The following ATG7 variants were observed in gnomAD, a reference collection of about 807,000 sequenced individuals.
The protein encoded by ATG7 is ubiquitin-like modifier-activating enzyme ATG7.
Under a neutral mutation model 82.4 loss-of-function variants are expected in ATG7, and 70 were observed. That is an observed-to-expected ratio of 0.85 (90% CI 0.70 to 1.04). The LOEUF (loss-of-function observed/expected upper bound fraction) is 1.04. Among genes scored for constraint, ATG7 ranks in the 50% least tolerant of loss-of-function variants. The probability of loss-of-function intolerance (pLI) is 0.00; values close to 1 mark genes in which losing one functional copy is unlikely to be tolerated. For missense variants in ATG7, 792 were observed against 864.3 expected, an observed-to-expected ratio of 0.92 and a Z score of 1.05; for synonymous variants, 287 against 313.0, an observed-to-expected ratio of 0.92 and a Z score of 0.88.
intron 20 of ATG7, chr3:11,446,586 G>T (rs1356957591): frequency 5.0e-6 from 2 of 399,742 alleles, no homozygotes; most frequent in Middle Eastern, 3.4e-4. Context: ...TGTCATAAAT[G>T]AGCCTTTAAA....
At chr3:11,453,807 G>A (rs1450169172) in intron 20 of ATG7, among the ~76,000 whole-genome samples, 1 of 152,156 alleles carries the variant, frequency 6.6e-6, no homozygotes, top group Non-Finnish European at 1.5e-5. Flanking sequence ...AGTGATGGGG[G>A]AGTGCAAGGG....
At chr3:11,348,222 T>G in intron 14 of ATG7, 187 bp downstream of exon 14, 4 of 743,496 alleles carry the variant, frequency 5.4e-6, no homozygotes, top group Non-Finnish European at 2.1e-6. Context: ...AGGTCAGGCA[T>G]GGTGGCTCAT....
At chr3:11,485,414 T>G (rs144998661) in intron 20 of ATG7, among the ~76,000 whole-genome samples, 7,926 of 152,282 alleles carry the variant, frequency 0.052, 572 homozygotes, top group African/African-American at 0.17. Flanking sequence ...TAAATTTGTT[T>G]GAGTTCATTG....
At chr3:11,448,821 C>G (rs2152981341) in intron 20 of ATG7, among the ~76,000 whole-genome samples, 1 of 152,246 alleles carries the variant, frequency 6.6e-6, no homozygotes. Context: ...AATGGAGCCT[C>G]CTAGTGTTTT....
chr3:11,540,964 A>C (rs1393562797), intron 20 of ATG7, among the ~76,000 whole-genome samples: 2 of 148,410 alleles, frequency 1.3e-5, no homozygotes, highest in Non-Finnish European at 3.0e-5. Flanking sequence ...CAGTGGTGCA[A>C]TCTTGGCTCA....
intron 20 of ATG7, among the ~76,000 whole-genome samples, chr3:11,517,347 A>AAAAAG (rs149664163): frequency 1.0e-4 from 15 of 149,702 alleles, no homozygotes; most frequent in Non-Finnish European, 1.5e-4. Flanking sequence ...CTCAAAAAAA[A>AAAAAG]AAAAGAAAAG....
chr3:11,514,859 GAGA>G (rs1462901584), intron 20 of ATG7, among the ~76,000 whole-genome samples: 2 of 144,820 alleles, frequency 1.4e-5, no homozygotes, highest in African/African-American at 5.2e-5. Context: ...TTTTTTTTTG[GAGA>G]GAGAGTCTCG....
At chr3:11,461,375 G>A (rs2086281406) in intron 20 of ATG7, among the ~76,000 whole-genome samples, 1 of 152,180 alleles carries the variant, frequency 6.6e-6, no homozygotes, top group Non-Finnish European at 1.5e-5. Flanking sequence ...GCTAACCTTT[G>A]TATTCAGAGA....
intron 14 of ATG7, among the ~76,000 whole-genome samples, chr3:11,356,145 G>A (rs2075916984): frequency 6.6e-6 from 1 of 152,144 alleles, no homozygotes; most frequent in Non-Finnish European, 1.5e-5. Context: ...GTCATCTGGG[G>A]GCAAGTGGGG....
At chr3:11,359,942 A>G (rs1013664693) in intron 15 of ATG7, among the ~76,000 whole-genome samples, 1 of 149,936 alleles carries the variant, frequency 6.7e-6, no homozygotes, top group Non-Finnish European at 1.5e-5. Context: ...TTATATACCT[A>G]CCTCTTGCCA....
At chr3:11,354,802 A>G (rs781257914) in intron 14 of ATG7, among the ~76,000 whole-genome samples, 4 of 152,182 alleles carry the variant, frequency 2.6e-5, no homozygotes, top group Non-Finnish European at 4.4e-5. Flanking sequence ...GGGACAAAAT[A>G]CGTAAAATTA....
chr3:11,506,049 T>C (rs1236221273), intron 20 of ATG7, among the ~76,000 whole-genome samples: 2 of 152,188 alleles, frequency 1.3e-5, no homozygotes, highest in Non-Finnish European at 2.9e-5. Flanking sequence ...AAATAGAACA[T>C]TTCTGTATAA....
intron 20 of ATG7, among the ~76,000 whole-genome samples, chr3:11,530,878 G>A (rs2092681669): frequency 6.6e-6 from 1 of 152,188 alleles, no homozygotes; most frequent in Non-Finnish European, 1.5e-5. Flanking sequence ...CTACTTGGGA[G>A]GCTGAGGCAA....
chr3:11,317,932 A>G (rs1186814259), intron 9 of ATG7, among the ~76,000 whole-genome samples: 3 of 152,178 alleles, frequency 2.0e-5, no homozygotes, highest in Non-Finnish European at 4.4e-5. Context: ...ACCTTGGGGA[A>G]ACTGCATAAC....
At chr3:11,468,980 C>T (rs1243335437) in intron 20 of ATG7, among the ~76,000 whole-genome samples, 2 of 152,202 alleles carry the variant, frequency 1.3e-5, no homozygotes, top group African/African-American at 2.4e-5. Flanking sequence ...GCACAGCTGC[C>T]CAATCTTGTT....
chr3:11,286,903 C>T (rs552666207), intron 3 of ATG7, among the ~76,000 whole-genome samples: 1 of 76,242 alleles, frequency 1.3e-5, no homozygotes, highest in Admixed American at 1.6e-4. Context: ...CCGCACCCAA[C>T]CTTTTTTTAT....
chr3:11,276,567 C>T (rs1418214311), intron 1 of ATG7, among the ~76,000 whole-genome samples: 1 of 152,200 alleles, frequency 6.6e-6, no homozygotes, highest in Non-Finnish European at 1.5e-5. Flanking sequence ...AAATCCTGCT[C>T]TCGTCCCACC....
chr3:11,308,589 A>G (rs1342967465), intron 6 of ATG7: 2 of 192,998 alleles, frequency 1.0e-5, no homozygotes, highest in Admixed American at 1.1e-4. Context: ...CAGTCTCTCT[A>G]TCTAGACTGC....
chr3:11,449,466 GGA>G (rs901816058), intron 20 of ATG7, among the ~76,000 whole-genome samples: 19 of 152,306 alleles, frequency 1.2e-4, no homozygotes, highest in African/African-American at 4.1e-4. Context: ...GGAATGAAAA[GGA>G]GAGAGAGATT....
Sources: allele counts gnomAD v4.1 joint callset (sites outside exome capture counted in the v4.1 genomes callset), GRCh38; gene constraint gnomAD v4.1.1; transcripts MANE v1.5; gene names NCBI Gene and HGNC (gene_info 2026-07-23, HGNC 2026-07-21).